EXOC6: variants seen among roughly 807,000 people sequenced by gnomAD.
EXOC6 encodes exocyst complex component 6.
A neutral mutation model predicts 112.5 loss-of-function variants in EXOC6; 60 were observed. The observed-to-expected ratio is 0.53, with a 90% CI of 0.43 to 0.66. The LOEUF is 0.66. EXOC6 is among the 30% of genes least tolerant of loss of function. EXOC6 has a pLI of 0.00. For missense variants in EXOC6, 855 were observed against 957.1 expected (o/e 0.89, Z 1.41); for synonymous variants, 295 against 308.0 (o/e 0.96, Z 0.44).
intron 1 of EXOC6, among the ~76,000 whole-genome samples, chr10:92,839,427 G>T (rs190138749): frequency 1.3e-5 from 2 of 152,286 alleles, no homozygotes; most frequent in East Asian, 3.9e-4. Context: ...ATGGTCAATA[G>T]GTTTCAAGTA....
At chr10:92,857,371 T>C (rs1282392007) in intron 1 of EXOC6, among the ~76,000 whole-genome samples, 1 of 152,112 alleles carries the variant, frequency 6.6e-6, no homozygotes, top group Non-Finnish European at 1.5e-5. Flanking sequence ...ATTCCTTCTT[T>C]CCCTTTTTTT....
chr10:92,882,798 G>A (rs1474343020), intron 1 of EXOC6, among the ~76,000 whole-genome samples: 2 of 152,140 alleles, frequency 1.3e-5, no homozygotes, highest in Non-Finnish European at 2.9e-5. Context: ...TCTAACTTCA[G>A]GGTTTCAAGT....
At chr10:92,929,647 A>G (rs1404349131) in intron 9 of EXOC6, among the ~76,000 whole-genome samples, 3 of 152,260 alleles carry the variant, frequency 2.0e-5, no homozygotes, top group Admixed American at 6.5e-5. Flanking sequence ...ACTATAAAGA[A>G]TGACCAAATA....
chr10:92,884,332 A>G (rs563853852), intron 1 of EXOC6, among the ~76,000 whole-genome samples: 42 of 152,280 alleles, frequency 2.8e-4, no homozygotes, highest in African/African-American at 9.6e-4. Context: ...TTGGAAGTCC[A>G]TTTTCTTGCT....
intron 20 of EXOC6, among the ~76,000 whole-genome samples, chr10:93,037,909 G>A (rs1356523772): frequency 1.1e-4 from 16 of 150,562 alleles, no homozygotes; most frequent in Non-Finnish European, 1.6e-4. Context: ...GCGCGGTGGC[G>A]GGCGCCCGTA....
At position 93,034,169 on chromosome 10, in the gene EXOC6, G is replaced by A. The variant is rs1218506777; in HGVS notation, c.2169+19902G>A. ...GCTTAATCTTGATTGCTAAAGTTAG[G>A]AATTATGTGAAGCTTGCAGTAAAGA... On this transcript the variant is annotated intron_variant, in intron 20 of 21. Transcript: ENST00000260762. Among the ~76,000 whole-genome samples, 3 of 152,306 alleles carry A rather than the reference G, an allele frequency of 2.0e-5. No homozygotes were observed. The East Asian group carries it at 5.8e-4, about 29-fold the overall frequency.
chr10:92,959,044 A>C (rs1589915286), intron 17 of EXOC6, among the ~76,000 whole-genome samples: 1 of 152,128 alleles, frequency 6.6e-6, no homozygotes, highest in Non-Finnish European at 1.5e-5. Context: ...CAGTGAGCCG[A>C]GATCATACCA....
intron 1 of EXOC6, among the ~76,000 whole-genome samples, chr10:92,868,815 C>CTTTTT (rs370569114): frequency 7.4e-6 from 1 of 135,918 alleles, no homozygotes; most frequent in Non-Finnish European, 1.6e-5. Context: ...CTCCCTCCCT[C>CTTTTT]TTTTTTTTTT....
At chr10:92,911,414 C>T (rs567654080) in intron 6 of EXOC6, among the ~76,000 whole-genome samples, 4 of 152,276 alleles carry the variant, frequency 2.6e-5, no homozygotes, top group South Asian at 2.1e-4. Context: ...AAAACACAAG[C>T]GCTTGGTAAA....
Position 92,929,310 on chromosome 10 carries a change from C to T in EXOC6, c.972+888C>T, listed in dbSNP as rs1851891945. Among the ~76,000 whole-genome samples, 3 of 152,260 alleles carry T rather than the reference C, an allele frequency of 2.0e-5. No individual in the cohort carries two copies. In the South Asian group the frequency reaches 6.2e-4, roughly 32 times the overall value. ...GAATTCATAATAAGCAGTTTGTTAC[C>T]ACTTGTGTTTGCAACCCAAATTCAT... is the stretch of plus-strand genomic sequence containing the variant. On this transcript the variant is annotated intron_variant, in intron 9 of 21. Transcript: ENST00000260762.
intron 18 of EXOC6, among the ~76,000 whole-genome samples, chr10:92,983,121 T>C (rs1200653485): frequency 1.3e-5 from 2 of 152,250 alleles, no homozygotes; most frequent in African/African-American, 4.8e-5. Flanking sequence ...TTAACCGCTA[T>C]TGTGAAAGCA....
chr10:92,983,351 A>G (rs1162132405), intron 18 of EXOC6, among the ~76,000 whole-genome samples: 1 of 151,728 alleles, frequency 6.6e-6, no homozygotes, highest in Non-Finnish European at 1.5e-5. Context: ...ATTTGGTTTT[A>G]TTTCTTCTGG....
Position 92,915,860 on chromosome 10 carries a change from A to G in EXOC6, c.766A>G (p.Asn256Asp). 4 of 1,555,876 alleles carry G rather than the reference A, an allele frequency of 2.6e-6. No individual in the cohort carries two copies. Among genetic ancestry groups the G allele is most frequent in the Non-Finnish European group, 3.4e-6 (4 of 1,160,260 alleles). ...INRDRIPEER[N>D]ETVLKHSLEE... Reference sequence around the variant, plus strand: ...TCGTGATAGAATTCCAGAGGAAAGGAATGAAACTGTATTGAAACATTCACT... The same window carrying G: ...TCGTGATAGAATTCCAGAGGAAAGGGATGAAACTGTATTGAAACATTCACT... Residue 256 changes from asparagine to aspartate, a missense_variant, in exon 7 of 22, where the codon AAT becomes GAT. By Grantham distance (23) the Asn-to-Asp change is conservative. Transcript: ENST00000260762.
chr10:93,041,577 A>T (rs539032996), intron 20 of EXOC6, among the ~76,000 whole-genome samples: 47 of 151,004 alleles, frequency 3.1e-4, no homozygotes, highest in African/African-American at 1.0e-3. Context: ...TACCTGGCTA[A>T]TTTTTTTTGT....
intron 9 of EXOC6, among the ~76,000 whole-genome samples, chr10:92,930,537 G>A (rs1404422660): frequency 6.7e-6 from 1 of 149,816 alleles, no homozygotes; most frequent in East Asian, 1.9e-4. Context: ...AATAGAAAAA[G>A]CTTGAAATCA....
intron 8 of EXOC6, among the ~76,000 whole-genome samples, chr10:92,921,500 G>A (rs924919954): frequency 6.6e-6 from 1 of 151,756 alleles, no homozygotes; most frequent in Non-Finnish European, 1.5e-5. Context: ...CACCCGTCTC[G>A]GCCTCCCAAA....
intron 1 of EXOC6, among the ~76,000 whole-genome samples, chr10:92,828,478 T>C (rs10882116): frequency 2.0e-5 from 3 of 151,866 alleles, no homozygotes; most frequent in Non-Finnish European, 4.4e-5. Flanking sequence ...AGACTACAGA[T>C]GTGTGCCACC....
upstream of EXOC6, among the ~76,000 whole-genome samples, chr10:92,844,300 G>A (rs573835324): frequency 6.6e-5 from 10 of 152,276 alleles, no homozygotes; most frequent in Non-Finnish European, 1.3e-4. Flanking sequence ...TACAGGCATC[G>A]TCCCTGTGCC....
intron 20 of EXOC6, among the ~76,000 whole-genome samples, chr10:93,045,073 A>G (rs1414205143): frequency 6.6e-6 from 1 of 152,162 alleles, no homozygotes; most frequent in Non-Finnish European, 1.5e-5. Context: ...GGGTTTCGCC[A>G]TGTTGGCCAG....
Sources: gnomAD v4.1 joint callset for allele counts (sites outside exome capture counted in the v4.1 genomes callset) on GRCh38, gnomAD v4.1.1 for gene constraint, MANE v1.5 for transcripts, NCBI Gene and HGNC (gene_info 2026-07-23, HGNC 2026-07-21) for gene names.